The following SRSF11 variants were observed in gnomAD, a reference collection of about 807,000 sequenced individuals.
SRSF11 encodes the protein serine and arginine rich splicing factor 11.
SRSF11 carries 9 observed loss-of-function variants against 56.0 expected under a neutral mutation model. The ratio of observed to expected loss-of-function variants is 0.16; its 90% CI spans 0.10 to 0.28. SRSF11 has a LOEUF of 0.28. Among genes scored for constraint, SRSF11 ranks in the 10% least tolerant of loss-of-function variants. The pLI is 1.00. For synonymous variants in SRSF11, 222 were observed against 215.3 expected, an observed-to-expected ratio of 1.03 and a Z score of -0.27; for missense variants, 421 against 600.7, an observed-to-expected ratio of 0.70 and a Z score of 3.13.
chr1:70,252,344 TA>T lies in SRSF11; in HGVS notation c.*1540del, dbSNP rs1466780952. On this transcript the variant is annotated 3_prime_UTR_variant, in exon 12 of 12. Coordinates refer to ENST00000370949, the MANE Select transcript of SRSF11 (RefSeq NM_001350605.2). ...ACAGATATTTGCCTTTCTGGAGTAG[TA>T]TAGAAGCTGTCAATATGTATCTACT... The T allele has an allele frequency of 2.6e-5, 4 of 152,174 alleles. No homozygotes were observed. Among genetic ancestry groups the T allele is most frequent in the African/African-American group, 9.6e-5 (4 of 41,460 alleles). 9.4% of individuals were successfully genotyped at this position (152,174 alleles called of 1,614,324 possible). A position where few individuals can be genotyped will look rare whatever the true frequency, so the allele number is the denominator to read the frequency against.
intron 7 of SRSF11, among the ~76,000 whole-genome samples, chr1:70,242,132 G>A (rs1306470602): frequency 6.8e-6 from 1 of 147,820 alleles, no homozygotes; most frequent in African/African-American, 2.5e-5. Context: ...TGGCGCCACT[G>A]CACTCCAGCT....
upstream of SRSF11, chr1:70,221,098 T>C (rs1186531983): frequency 6.5e-6 from 1 of 153,056 alleles, no homozygotes; most frequent in Non-Finnish European, 1.5e-5. Context: ...TATAAAGACA[T>C]CGTGAGCAGT....
chr1:70,250,052 G>GA lies in SRSF11; in HGVS notation c.1118+7dup. 2.5e-6 allele frequency: 4 copies of GA among 1,601,164 alleles called. No individual in the cohort carries two copies. Among genetic ancestry groups the GA allele is most frequent in the Non-Finnish European group, 3.4e-6 (4 of 1,169,920 alleles). On this transcript the variant is annotated splice_donor_region_variant and intron_variant, in intron 10 of 11. Coordinates refer to ENST00000370949, the MANE Select transcript of SRSF11 (RefSeq NM_001350605.2). ...CCGCTCACCATCCCCTAGGAGGTAA[G>GA]AATGTTAATCATTTAAATGTATTTT...
intron 1 of SRSF11, among the ~76,000 whole-genome samples, chr1:70,222,527 C>T (rs1670882716): frequency 1.3e-5 from 2 of 152,022 alleles, no homozygotes; most frequent in South Asian, 4.1e-4. Flanking sequence ...TTTTGTCTCA[C>T]TTTTATTTTG....
chr1:70,220,414 T>A (rs1311181672), upstream of SRSF11, among the ~76,000 whole-genome samples: 1 of 152,258 alleles, frequency 6.6e-6, no homozygotes, highest in Non-Finnish European at 1.5e-5. Context: ...AAGGATTTTT[T>A]TAATAGTCAA....
chr1:70,219,171 C>T (rs746104074), upstream of SRSF11, among the ~76,000 whole-genome samples: 4 of 151,916 alleles, frequency 2.6e-5, no homozygotes, highest in Non-Finnish European at 5.9e-5. Flanking sequence ...TTTAAAAATC[C>T]AAAATCCAAA....
chr1:70,231,561 G>A, intron 2 of SRSF11: 1 of 1,104,888 alleles, frequency 9.1e-7, no homozygotes. Flanking sequence ...GCATTTTACT[G>A]TACAGGTAAG....
At chr1:70,232,181 T>C (rs746899057) in intron 2 of SRSF11, 87 bp from the exon 3 acceptor site, 1 of 1,602,046 alleles carries the variant, frequency 6.2e-7, no homozygotes, top group South Asian at 1.1e-5. Flanking sequence ...ACTCAGGTGG[T>C]GTATCAGGGA....
intron 1 of SRSF11, among the ~76,000 whole-genome samples, chr1:70,207,634 A>C (rs1226462052): frequency 1.3e-5 from 2 of 152,094 alleles, no homozygotes; most frequent in Non-Finnish European, 2.9e-5. Flanking sequence ...CCTTTGGGGA[A>C]GAAACAACCC....
rs539547184 is a variant in SRSF11, at chr1:70,235,466, T to C, written c.541-35T>C. On this transcript the variant is annotated intron_variant, in intron 4 of 11. Transcript: ENST00000370949. ...AAAATATCGGTCATTTATTGTTTTATGTATTCTCATTATTCTTATGTTTTA... is the reference window on the plus strand; with the variant it reads ...AAAATATCGGTCATTTATTGTTTTACGTATTCTCATTATTCTTATGTTTTA... 1.6e-5 allele frequency: 25 copies of C among 1,539,718 alleles called. No individual in the cohort carries two copies. The Middle Eastern group carries it at 6.8e-4, about 42-fold the overall frequency.
intron 7 of SRSF11, among the ~76,000 whole-genome samples, chr1:70,242,926 G>A (rs529187242): frequency 6.6e-6 from 1 of 152,180 alleles, no homozygotes; most frequent in East Asian, 1.9e-4. Flanking sequence ...TGGAGCCTAT[G>A]GTAGGGTAGT....
At position 70,221,669 on chromosome 1, in the gene SRSF11, A is replaced by G; in HGVS notation, c.33A>G (p.Ala11=). 6.2e-7 allele frequency: 1 copy of G among 1,612,578 alleles called. No homozygotes were observed. The highest frequency in any genetic ancestry group is 1.7e-4 in the Middle Eastern group (1 of 6,058). ...ACACTACCGTCGTCCCCAGCACTGC[A>G]GGTCCGGGCCCCAGCGGCGGGCCCG... MSNTTVVPST[A]GPGPSGGPGG... is the part of the protein sequence containing the mutation. Residue 11 remains alanine (A), a synonymous_variant, in exon 1 of 12, where the codon GCA becomes GCG. Transcript: ENST00000370949.
At chr1:70,224,389 T>TAAAATAAAGCACCTCTGC (rs1671321520) in intron 1 of SRSF11, among the ~76,000 whole-genome samples, 1 of 152,188 alleles carries the variant, frequency 6.6e-6, no homozygotes, top group Admixed American at 6.5e-5. Flanking sequence ...CCACCCTATG[T>TAAAATAAAGCACCTCTGC]AAAATAAAGC....
rs1677898099 is a variant in SRSF11, at chr1:70,251,167, A to G, written c.*362A>G. The G allele has an allele frequency of 5.4e-6, 1 of 185,064 alleles. No homozygotes were observed. Among genetic ancestry groups the G allele is most frequent in the South Asian group, 1.3e-4 (1 of 7,956 alleles). 11.5% of individuals were successfully genotyped at this position (185,064 alleles called of 1,614,324 possible). A position where few individuals can be genotyped will look rare whatever the true frequency, so the allele number is the denominator to read the frequency against. On this transcript the variant is annotated 3_prime_UTR_variant, in exon 12 of 12. Coordinates refer to ENST00000370949, the MANE Select transcript of SRSF11 (RefSeq NM_001350605.2). The stretch of plus-strand genomic sequence containing the variant: ...TTATAGTATTTCTATAATTTGATTC[A>G]TTGCCGTAATAGAGCCATGTAGGAA...
At chr1:70,243,528 G>T (rs193185612) in intron 7 of SRSF11, among the ~76,000 whole-genome samples, 1 of 152,160 alleles carries the variant, frequency 6.6e-6, no homozygotes, top group Non-Finnish European at 1.5e-5. Context: ...GACTGCTGAA[G>T]TAACAAGGTC....
At chr1:70,224,486 C>T (rs1225708852) in intron 1 of SRSF11, among the ~76,000 whole-genome samples, 1 of 152,158 alleles carries the variant, frequency 6.6e-6, no homozygotes, top group Non-Finnish European at 1.5e-5. Context: ...AACAACTTCT[C>T]TCCTGTAGAA....
rs187689465 is a variant in SRSF11, at chr1:70,236,954, G to T, written c.591-471G>T. Among the ~76,000 whole-genome samples, 1,326 of 151,108 alleles carry T rather than the reference G, an allele frequency of 8.8e-3. 21 individuals carry two copies. The highest frequency in any genetic ancestry group is 0.03 in the African/African-American group (1,250 of 41,168). On this transcript the variant is annotated intron_variant, in intron 5 of 11. Transcript: ENST00000370949. Reference sequence around the variant, plus strand: ...AGGCGCCTGCCACCATGCCTGGCTAGTTTTTTGTATTTTGAGTAGAGATGG... The same window carrying T: ...AGGCGCCTGCCACCATGCCTGGCTATTTTTTTGTATTTTGAGTAGAGATGG...
chr1:70,240,701 G>C (rs992945927), intron 7 of SRSF11, among the ~76,000 whole-genome samples: 1 of 151,308 alleles, frequency 6.6e-6, no homozygotes, highest in Non-Finnish European at 1.5e-5. Context: ...TCAGAACTAG[G>C]ATATTCCAGT....
chr1:70,246,956 C>T, intron 9 of SRSF11, 49 bp downstream of exon 9: 5 of 1,477,054 alleles, frequency 3.4e-6, no homozygotes, highest in Non-Finnish European at 4.7e-6. Context: ...AACTTTGCTT[C>T]TAACAGTATC....
Sources: gnomAD v4.1 joint callset for allele counts (sites outside exome capture counted in the v4.1 genomes callset) on GRCh38, gnomAD v4.1.1 for gene constraint, MANE v1.5 for transcripts, NCBI Gene and HGNC (gene_info 2026-07-23, HGNC 2026-07-21) for gene names.